Variants in KRT79 observed in about 807,000 individuals in gnomAD.
KRT79 encodes keratin, type II cytoskeletal 79.
A neutral mutation model predicts 49.0 loss-of-function variants in KRT79; 51 were observed. That is an observed-to-expected ratio of 1.04 (90% CI 0.83 to 1.31). The LOEUF (loss-of-function observed/expected upper bound fraction) is 1.31, where lower values mean the gene tolerates loss of function less well. KRT79 is among the 40% of genes most tolerant of loss of function. KRT79 has a pLI of 0.00. For missense variants in KRT79, 728 were observed against 688.0 expected (o/e 1.06, Z -0.65); for synonymous variants, 312 against 286.6 (o/e 1.09, Z -0.90).
In KRT79 at chr12:52,822,382, A is replaced by T. The variant is rs1413858492; in HGVS notation, c.1368-3T>A. 12 of 1,587,208 alleles carry T rather than the reference A, an allele frequency of 7.6e-6. No homozygotes were observed. The highest frequency in any genetic ancestry group is 7.0e-5 in the Admixed American group (4 of 57,458). On this transcript the variant is annotated splice_polypyrimidine_tract_variant and splice_region_variant and intron_variant, in intron 7 of 8. Coordinates refer to ENST00000330553, the MANE Select transcript of KRT79 (RefSeq NM_175834.3). Reference sequence around the variant, plus strand: ...CACTGGGACATTCTCCAGACATCCTAGGGGACACAGAAAGGCCAGGAGAGC... The same window carrying T: ...CACTGGGACATTCTCCAGACATCCTTGGGGACACAGAAAGGCCAGGAGAGC...
chr12:52,824,247 A>T lies in KRT79; in HGVS notation c.971T>A (p.Leu324Gln). The T allele has an allele frequency of 6.2e-7, 1 of 1,614,188 alleles. No homozygotes were observed. The highest frequency in any genetic ancestry group is 8.5e-7 in the Non-Finnish European group (1 of 1,180,030). The stretch of plus-strand genomic sequence containing the variant: ...CTCAGCCCGGCTCCTCTGGGCAATC[A>T]GCTCATACTGGGCCTTGACCTCGGC... Reference protein sequence around the residue: ...IIAEVKAQYELIAQRSRAEAE... With the variant: ...IIAEVKAQYEQIAQRSRAEAE... The change falls in exon 5 of 9, where the codon CTG becomes CAG. Residue 324 changes from leucine to glutamine, a missense_variant. Physicochemically the swap from Leu to Gln is moderately radical, Grantham distance 113. Coordinates refer to ENST00000330553, the MANE Select transcript of KRT79 (RefSeq NM_175834.3).
At chr12:52,825,320 C>T (rs958898189) in intron 4 of KRT79, among the ~76,000 whole-genome samples, 1 of 152,222 alleles carries the variant, frequency 6.6e-6, no homozygotes, top group African/African-American at 2.4e-5. Flanking sequence ...TTGTCTCCAT[C>T]CTTTCTCAAA....
intron 4 of KRT79, among the ~76,000 whole-genome samples, chr12:52,829,174 T>C (rs1390640489): frequency 3.9e-5 from 6 of 152,302 alleles, no homozygotes; most frequent in African/African-American, 9.6e-5. Flanking sequence ...GAGTCTGTGA[T>C]TCTGCGGTCA....
intron 4 of KRT79, among the ~76,000 whole-genome samples, chr12:52,829,411 C>T (rs1026067580): frequency 1.3e-5 from 2 of 152,174 alleles, no homozygotes; most frequent in African/African-American, 4.8e-5. Flanking sequence ...GTTCAAGAGC[C>T]AGATTTGAAT....
chr12:52,823,779 A>G, intron 6 of KRT79, 108 bp downstream of exon 6: 2 of 1,299,896 alleles, frequency 1.5e-6, no homozygotes, highest in Non-Finnish European at 1.1e-6. Flanking sequence ...ATGGCCTAGC[A>G]TTCTATTGTG....
rs1565689710 is a variant in KRT79, at chr12:52,823,747, A to G, written c.1146+140T>C. The G allele has an allele frequency of 1.7e-5, 17 of 971,844 alleles. No homozygotes were observed. The South Asian group carries it at 2.8e-4, about 16-fold the overall frequency. The allele number at this position is 971,844 out of a possible 1,614,324, so 60.2% of individuals were successfully genotyped here. ...CTGCTCTGTGCCTCAGTTTCCCCCC[A>G]TGTAAAAGGAGCCTGTGATCAATGG... On this transcript the variant is annotated intron_variant, in intron 6 of 8. Coordinates refer to ENST00000330553, the MANE Select transcript of KRT79 (RefSeq NM_175834.3).
chr12:52,831,505 C>G lies in KRT79; in HGVS notation c.599G>C (p.Gly200Ala). The change falls in exon 2 of 9, where the codon GGT (glycine) becomes GCT (alanine). Residue 200 changes from glycine to alanine, a missense_variant. Gly to Ala is a moderately conservative substitution (Grantham distance 60, BLOSUM62 0). Coordinates refer to ENST00000330553, the MANE Select transcript of KRT79 (RefSeq NM_175834.3). Reference protein sequence around the residue: ...NLEPLFEAYLGSMRSTLDRLQ... With the variant: ...NLEPLFEAYLASMRSTLDRLQ... ...TCTGTCCAGCGTGCTCCGCATGCTA[C>G]CCAGGTAGGCCTCAAAGAGGGGCTC... is the stretch of plus-strand genomic sequence containing the variant. 1 of 1,614,230 alleles carries G rather than the reference C, an allele frequency of 6.2e-7. No individual in the cohort carries two copies. The highest frequency in any genetic ancestry group is 8.5e-7 in the Non-Finnish European group (1 of 1,180,034).
In KRT79 at chr12:52,823,007, G is replaced by A. The variant is rs568370697; in HGVS notation, c.1367+9C>T. ...CCAGCTTTCTGGGTCGGGCAGGAGG[G>A]GCCACCACCTGCTCTCCTCGCTCTC... On this transcript the variant is annotated intron_variant, in intron 7 of 8. Transcript: ENST00000330553. 11 of 1,613,280 alleles carry A rather than the reference G, an allele frequency of 6.8e-6. No individual in the cohort carries two copies. In the African/African-American group the frequency reaches 1.2e-4, roughly 18 times the overall value.
In KRT79 at chr12:52,821,941, C is replaced by T. The variant is rs1162640027; in HGVS notation, c.1539G>A (p.Gly513=). The change falls in exon 9 of 9, where the codon GGG becomes GGA. Residue 513 remains glycine, a synonymous_variant. Transcript: ENST00000330553. ...TNVGYSTVKG[G]PVSAGTSILR... ...GGATGGAGGTGCCCGCAGAGACTGG[C>T]CCTCCCTTGACGGTGCTATAGCCCA... 6.2e-7 allele frequency: 1 copy of T among 1,614,152 alleles called. No individual in the cohort carries two copies. The highest frequency in any genetic ancestry group is 1.7e-5 in the Admixed American group (1 of 60,026).
intron 1 of KRT79, among the ~76,000 whole-genome samples, chr12:52,832,470 T>A (rs979103630): frequency 9.7e-5 from 14 of 144,258 alleles, no homozygotes; most frequent in Non-Finnish European, 2.1e-4. Context: ...CCCCCGAGAG[T>A]TCTTGGCCCA....
At chr12:52,832,703 C>G (rs1412458988) in intron 1 of KRT79, among the ~76,000 whole-genome samples, 2 of 152,160 alleles carry the variant, frequency 1.3e-5, no homozygotes, top group African/African-American at 4.8e-5. Flanking sequence ...GTCACATGCC[C>G]TGGGAGCATC....
At position 52,821,674 on chromosome 12, in the gene KRT79, C is replaced by T; in HGVS notation, c.*198G>A. ...CAAGCTGGCAACTTTAACCTTCCCT[C>T]CCATCCTACTGCAGGACCAAGGAGA... On this transcript the variant is annotated 3_prime_UTR_variant, in exon 9 of 9. Transcript: ENST00000330553. The T allele has an allele frequency of 1.7e-6, 1 of 604,698 alleles. No individual in the cohort carries two copies. Among genetic ancestry groups the T allele is most frequent in the East Asian group, 2.8e-5 (1 of 35,888 alleles). 37.5% of individuals were successfully genotyped at this position (604,698 alleles called of 1,614,324 possible).
Position 52,830,082 on chromosome 12 carries a change from G to T in KRT79, c.796C>A (p.His266Asn). ...TGGGTCAAGGTGCCCACTTTGCCAT[G>T]CAGATCCATCCGGCCCATGTATGCT... is the stretch of plus-strand genomic sequence containing the variant. ...DAAYMGRMDL[H>N]GKVGTLTQEI... Residue 266 changes from histidine to asparagine, a missense_variant, in exon 4 of 9, where the codon CAT (histidine) becomes AAT (asparagine). His to Asn is a moderately conservative substitution (Grantham distance 68, BLOSUM62 1). Coordinates refer to ENST00000330553, the MANE Select transcript of KRT79 (RefSeq NM_175834.3). 3 of 1,614,150 alleles carry T rather than the reference G, an allele frequency of 1.9e-6. No individual in the cohort carries two copies. The highest frequency in any genetic ancestry group is 2.5e-6 in the Non-Finnish European group (3 of 1,180,040).
chr12:52,824,436 G>A, intron 4 of KRT79, 74 bp from the exon 5 acceptor site: 2 of 1,482,468 alleles, frequency 1.3e-6, no homozygotes, highest in Non-Finnish European at 1.8e-6. Flanking sequence ...TGAAGGACAT[G>A]GGCCCCCAGG....
Position 52,824,017 on chromosome 12 carries a change from G to C in KRT79, c.1021-5C>G, listed in dbSNP as rs779707212. ...AGTCACCTGCAGCTCCTCATACTGG[G>C]GACCAAAGAAGTGGCAGTGCGCTTT... On this transcript the variant is annotated splice_region_variant and splice_polypyrimidine_tract_variant and intron_variant, in intron 5 of 8. Transcript: ENST00000330553. The C allele has an allele frequency of 6.2e-7, 1 of 1,614,080 alleles. No individual in the cohort carries two copies.
chr12:52,826,512 C>CA (rs34000434), intron 4 of KRT79, among the ~76,000 whole-genome samples: 1,284 of 102,400 alleles, frequency 0.013, 24 homozygotes, highest in African/African-American at 0.036. Flanking sequence ...GACCCTGTCT[C>CA]AAAAAAAAAA....
intron 4 of KRT79, among the ~76,000 whole-genome samples, chr12:52,825,116 T>C (rs1054703959): frequency 6.6e-6 from 1 of 152,184 alleles, no homozygotes; most frequent in African/African-American, 2.4e-5. Context: ...GTGGGATCGC[T>C]GGGCCAGGAC....
At chr12:52,827,752 A>G (rs529466811) in intron 4 of KRT79, among the ~76,000 whole-genome samples, 6 of 152,324 alleles carry the variant, frequency 3.9e-5, no homozygotes, top group Admixed American at 2.0e-4. Context: ...GGAAAGGCCA[A>G]TCGCTCAGCT....
chr12:52,823,661 G>A (rs1385671130), intron 6 of KRT79, among the ~76,000 whole-genome samples: 1 of 152,108 alleles, frequency 6.6e-6, no homozygotes, highest in Non-Finnish European at 1.5e-5. Context: ...AGTTTCCTTG[G>A]AGAAGGTTGT....
Sources: gnomAD v4.1 joint callset for allele counts (sites outside exome capture counted in the v4.1 genomes callset) on GRCh38, gnomAD v4.1.1 for gene constraint, MANE v1.5 for transcripts, NCBI Gene and HGNC (gene_info 2026-07-23, HGNC 2026-07-21) for gene names.